The following USH2A variants were observed in gnomAD, a reference collection of about 807,000 sequenced individuals.
USH2A encodes the protein Usher syndrome 2A (autosomal recessive, mild).
Under a neutral mutation model 538.9 loss-of-function variants are expected in USH2A, and 443 were observed. That is an observed-to-expected ratio of 0.82 (90% CI 0.76 to 0.89). The LOEUF (loss-of-function observed/expected upper bound fraction) is 0.89. Among genes scored for constraint, USH2A ranks in the 40% least tolerant of loss-of-function variants. The probability of loss-of-function intolerance (pLI) is 0.00; values close to 1 mark genes in which losing one functional copy is unlikely to be tolerated. For synonymous variants in USH2A, 2,413 were observed against 2,273.5 expected (o/e 1.06, Z -1.75); for missense variants, 6,633 against 6,324.8 (o/e 1.05, Z -1.65).
chr1:216,124,678 C>T (rs1311551250), intron 21 of USH2A, among the ~76,000 whole-genome samples: 3 of 152,122 alleles, frequency 2.0e-5, no homozygotes, highest in Non-Finnish European at 2.9e-5. Context: ...AACAAATCTG[C>T]CAAATGCTAA....
intron 47 of USH2A, among the ~76,000 whole-genome samples, chr1:215,824,381 G>T (rs906964155): frequency 6.6e-6 from 1 of 151,756 alleles, no homozygotes; most frequent in African/African-American, 2.4e-5. Context: ...AATTCACTGG[G>T]TCACTGCCTC....
intron 9 of USH2A, among the ~76,000 whole-genome samples, chr1:216,295,143 T>C (rs565458730): frequency 7.2e-5 from 11 of 151,902 alleles, no homozygotes; most frequent in East Asian, 1.9e-4. Flanking sequence ...TGATTTTACA[T>C]AGACAATTTT....
At chr1:216,021,875 A>T (rs1173923981) in intron 32 of USH2A, among the ~76,000 whole-genome samples, 1 of 152,084 alleles carries the variant, frequency 6.6e-6, no homozygotes, top group Non-Finnish European at 1.5e-5. Context: ...TTGCAATTTG[A>T]TCCCCAACAT....
intron 37 of USH2A, among the ~76,000 whole-genome samples, chr1:215,965,058 G>A (rs1026535572): frequency 1.3e-5 from 2 of 152,128 alleles, no homozygotes; most frequent in African/African-American, 2.4e-5. Context: ...AGCCTCTAGA[G>A]TTTCTGATTC....
chr1:215,871,123 A>G (rs930355798), intron 43 of USH2A, among the ~76,000 whole-genome samples: 1 of 152,122 alleles, frequency 6.6e-6, no homozygotes, highest in Non-Finnish European at 1.5e-5. Flanking sequence ...GACTATTACA[A>G]TAGTTTTTCC....
At chr1:216,082,640 T>C (rs1319078436) in intron 26 of USH2A, among the ~76,000 whole-genome samples, 1 of 152,190 alleles carries the variant, frequency 6.6e-6, no homozygotes, top group East Asian at 1.9e-4. Flanking sequence ...TATTTAACAG[T>C]GGTATCAAAC....
intron 38 of USH2A, among the ~76,000 whole-genome samples, chr1:215,909,088 G>C (rs1665710308): frequency 6.6e-6 from 1 of 150,866 alleles, no homozygotes; most frequent in African/African-American, 2.4e-5. Flanking sequence ...GTATGTGTGT[G>C]TATATATATA....
At chr1:215,828,057 T>A (rs544393709) in intron 47 of USH2A, among the ~76,000 whole-genome samples, 56 of 152,290 alleles carry the variant, frequency 3.7e-4, no homozygotes, top group African/African-American at 1.3e-3. Context: ...TATCATAGCA[T>A]GTCTCATAAA....
intron 30 of USH2A, among the ~76,000 whole-genome samples, chr1:216,051,598 G>A (rs10864228): frequency 0.21 from 32,132 of 152,096 alleles, 6,427 homozygotes; most frequent in African/African-American, 0.53. Context: ...TGTCAATAAG[G>A]AAAAGCATGT....
At position 216,078,432 on chromosome 1, in the gene USH2A, G is replaced by T. The variant is rs185543258; in HGVS notation, c.5299-70C>A. 6.9e-5 allele frequency: 101 copies of T among 1,458,424 alleles called. No homozygotes were observed. The African/African-American group carries it at 1.1e-3, about 15-fold the overall frequency. 90.3% of individuals were successfully genotyped at this position (1,458,424 alleles called of 1,614,324 possible). Reference sequence around the variant, plus strand: ...CAGAAGGGCAGTTTGGGAGAGAGCAGAAAGTCAATTTCTTGAAGAAAAGCA... The same window carrying T: ...CAGAAGGGCAGTTTGGGAGAGAGCATAAAGTCAATTTCTTGAAGAAAAGCA... On this transcript the variant is annotated intron_variant, in intron 26 of 71. Coordinates refer to ENST00000307340, the MANE Select transcript of USH2A (RefSeq NM_206933.4).
At chr1:215,761,735 C>A (rs768965441) in intron 56 of USH2A, among the ~76,000 whole-genome samples, 9 of 152,142 alleles carry the variant, frequency 5.9e-5, no homozygotes, top group Non-Finnish European at 1.3e-4. Flanking sequence ...CAATGTCAAA[C>A]ATTCAAGTAC....
In USH2A at chr1:215,647,410, T is replaced by C. The variant is rs1163939448; in HGVS notation, c.14791+112A>G. On this transcript the variant is annotated intron_variant, in intron 67 of 71. Transcript: ENST00000307340. ...TCAATGCTTCAGTAACATTCAGTGT[T>C]ATTGAGCCCACTCAATCTGTTTTTA... 2.4e-6 allele frequency: 3 copies of C among 1,266,660 alleles called. No individual in the cohort carries two copies. In the East Asian group the frequency reaches 7.2e-5, roughly 30 times the overall value. 78.5% of individuals were successfully genotyped at this position (1,266,660 alleles called of 1,614,324 possible).
intron 29 of USH2A, among the ~76,000 whole-genome samples, chr1:216,071,018 A>G (rs926802092): frequency 4.6e-5 from 7 of 152,164 alleles, no homozygotes; most frequent in Admixed American, 2.0e-4. Flanking sequence ...TAAAAAATCT[A>G]TTACCTTTAA....
intron 47 of USH2A, among the ~76,000 whole-genome samples, chr1:215,836,552 TATATATA>T (rs1663534146): frequency 6.1e-5 from 1 of 16,376 alleles, no homozygotes; most frequent in Non-Finnish European, 9.4e-5. Flanking sequence ...AATATATATA[TATATATA>T]TATATATTTT....
chr1:215,696,210 G>A (rs913278079), intron 61 of USH2A, among the ~76,000 whole-genome samples: 2 of 152,132 alleles, frequency 1.3e-5, no homozygotes, highest in Non-Finnish European at 2.9e-5. Flanking sequence ...AAGTTATTAA[G>A]AAAATCATAA....
At chr1:215,727,244 C>A (rs1659849484) in intron 61 of USH2A, among the ~76,000 whole-genome samples, 1 of 151,886 alleles carries the variant, frequency 6.6e-6, no homozygotes, top group Admixed American at 6.6e-5. Context: ...CATATATACA[C>A]AAACATGTAT....
intron 44 of USH2A, among the ~76,000 whole-genome samples, chr1:215,857,218 A>G (rs150143422): frequency 0.011 from 1,652 of 152,254 alleles, 26 homozygotes; most frequent in African/African-American, 0.037. Context: ...AGGGATAAGG[A>G]AGAGATACAG....
chr1:215,675,869 C>T (rs1658007164), intron 62 of USH2A, among the ~76,000 whole-genome samples: 1 of 151,590 alleles, frequency 6.6e-6, no homozygotes, highest in Admixed American at 6.6e-5. Context: ...ACATTTATCT[C>T]AAAACTAAGG....
At chr1:216,183,905 A>G (rs1257357792) in intron 20 of USH2A, among the ~76,000 whole-genome samples, 2 of 152,054 alleles carry the variant, frequency 1.3e-5, no homozygotes, top group Non-Finnish European at 2.9e-5. Context: ...CTTTTAATCA[A>G]GAGAAATATA....
Sources: allele counts gnomAD v4.1 joint callset (sites outside exome capture counted in the v4.1 genomes callset), GRCh38; gene constraint gnomAD v4.1.1; transcripts MANE v1.5; gene names NCBI Gene and HGNC (gene_info 2026-07-23, HGNC 2026-07-21).